The following PCDHA6 variants were observed in gnomAD, a reference collection of about 807,000 sequenced individuals.
PCDHA6 encodes the protein protocadherin alpha 6, also known as protocadherin alpha-6.
Under a neutral mutation model 60.3 loss-of-function variants are expected in PCDHA6, and 55 were observed. That is an observed-to-expected ratio of 0.91 (90% CI 0.73 to 1.14). The LOEUF is 1.14. Among genes scored for constraint, PCDHA6 ranks in the 50% most tolerant of loss-of-function variants. PCDHA6 has a pLI of 0.00. For synonymous variants in PCDHA6, 652 were observed against 557.9 expected, an observed-to-expected ratio of 1.17 and a Z score of -2.38; for missense variants, 1,327 against 1,256.5, an observed-to-expected ratio of 1.06 and a Z score of -0.85.
chr5:140,863,120 C>T, intron 1 of PCDHA6: 4 of 591,460 alleles, frequency 6.8e-6, no homozygotes, highest in Non-Finnish European at 1.0e-5. Context: ...GCGAAAGCTA[C>T]GCGCCACCGC....
chr5:140,884,762 A>C, intron 1 of PCDHA6: 1 of 1,423,132 alleles, frequency 7.0e-7, no homozygotes, highest in Non-Finnish European at 9.2e-7. Flanking sequence ...ATTATTCTTT[A>C]CTTTAATTTT....
chr5:140,961,155 G>A (rs1214072320), intron 1 of PCDHA6, among the ~76,000 whole-genome samples: 2 of 152,126 alleles, frequency 1.3e-5, no homozygotes, highest in Non-Finnish European at 2.9e-5. Context: ...TATTATTTCA[G>A]TACATATCTA....
chr5:140,828,530 C>T lies in PCDHA6; in HGVS notation c.439C>T (p.Leu147=). Reference sequence around the variant, plus strand: ...AAGAGTGCTGATTTACGAATCTAGGCTGCCAGATTCTGTGTTTCCACTGGA... The same window carrying T: ...AAGAGTGCTGATTTACGAATCTAGGTTGCCAGATTCTGTGTTTCCACTGGA... ...EQRVLIYESR[L]PDSVFPLEGA... is the part of the protein sequence containing the mutation. The change falls in exon 1 of 4, where the codon CTG becomes TTG. Residue 147 remains leucine (L), a synonymous_variant. Transcript: ENST00000529310. 5 of 1,614,226 alleles carry T rather than the reference C, an allele frequency of 3.1e-6. No individual in the cohort carries two copies. The highest frequency in any genetic ancestry group is 4.2e-6 in the Non-Finnish European group (5 of 1,180,044).
At chr5:140,874,703 A>G (rs782809395) in intron 1 of PCDHA6, among the ~76,000 whole-genome samples, 16 of 152,270 alleles carry the variant, frequency 1.1e-4, no homozygotes, top group Admixed American at 7.2e-4. Flanking sequence ...TATGGAAATG[A>G]GAGCAGTTAT....
At chr5:140,968,473 G>A in intron 1 of PCDHA6, 1 of 1,614,098 alleles carries the variant, frequency 6.2e-7, no homozygotes. Flanking sequence ...ACGTATATGT[G>A]GTGGACATGA....
At chr5:140,880,415 G>T (rs1481227492) in intron 1 of PCDHA6, among the ~76,000 whole-genome samples, 1 of 152,202 alleles carries the variant, frequency 6.6e-6, no homozygotes, top group Non-Finnish European at 1.5e-5. Context: ...GACCTTAAAA[G>T]CGGGAACAGT....
chr5:140,917,817 T>C (rs2078372214), intron 1 of PCDHA6, among the ~76,000 whole-genome samples: 1 of 152,162 alleles, frequency 6.6e-6, no homozygotes, highest in Non-Finnish European at 1.5e-5. Flanking sequence ...TAGTTGAAGT[T>C]GGGTAGTGTG....
intron 3 of PCDHA6, among the ~76,000 whole-genome samples, chr5:141,009,356 G>T (rs535761188): frequency 7.9e-5 from 12 of 152,204 alleles, no homozygotes; most frequent in Non-Finnish European, 1.6e-4. Context: ...CTACTTGGGA[G>T]GCTAAGATGG....
chr5:140,883,710 A>C (rs782592824), intron 1 of PCDHA6: 1 of 1,613,516 alleles, frequency 6.2e-7, no homozygotes, highest in South Asian at 1.1e-5. Context: ...TCTGCTCAGG[A>C]CGCGGACGCA....
At chr5:140,955,124 CTG>C (rs1404094455) in intron 1 of PCDHA6, among the ~76,000 whole-genome samples, 1 of 152,016 alleles carries the variant, frequency 6.6e-6, no homozygotes. Context: ...TTCTGTTCCA[CTG>C]GTCTACACGT....
At chr5:140,995,924 G>A (rs998405229) in intron 3 of PCDHA6, among the ~76,000 whole-genome samples, 16 of 152,308 alleles carry the variant, frequency 1.1e-4, no homozygotes, top group African/African-American at 3.8e-4. Flanking sequence ...ATAGGCTGTT[G>A]TAAGTATTAA....
intron 1 of PCDHA6, among the ~76,000 whole-genome samples, chr5:140,948,880 C>G (rs1430288840): frequency 6.6e-6 from 1 of 151,410 alleles, no homozygotes; most frequent in Non-Finnish European, 1.5e-5. Flanking sequence ...TTACTTTGCT[C>G]TCTTTTAGAT....
chr5:140,967,361 C>G (rs1323729968), intron 1 of PCDHA6: 9 of 1,607,256 alleles, frequency 5.6e-6, no homozygotes, highest in African/African-American at 1.3e-5. Context: ...GGACCTTAAG[C>G]CCCTGCAGGA....
chr5:140,980,810 GA>G (rs1410107766), intron 2 of PCDHA6, among the ~76,000 whole-genome samples: 5 of 152,024 alleles, frequency 3.3e-5, no homozygotes, highest in Non-Finnish European at 7.4e-5. Context: ...GTAATACATT[GA>G]ACATATTAAA....
At chr5:140,904,187 C>T (rs1554191348) in intron 1 of PCDHA6, among the ~76,000 whole-genome samples, 1 of 151,982 alleles carries the variant, frequency 6.6e-6, no homozygotes, top group Non-Finnish European at 1.5e-5. Context: ...ACCCCCTTCC[C>T]ACCCTTTCCC....
intron 1 of PCDHA6, chr5:140,870,988 G>T: frequency 6.2e-7 from 1 of 1,613,492 alleles, no homozygotes; most frequent in Non-Finnish European, 8.5e-7. Flanking sequence ...GTACACGGGC[G>T]AGATAAGCAC....
At chr5:140,849,015 C>T (rs2040740928) in intron 1 of PCDHA6, 1 of 1,588,546 alleles carries the variant, frequency 6.3e-7, no homozygotes, top group Admixed American at 1.7e-5. Flanking sequence ...CAGACTGAGC[C>T]CCAATGAGTA....
intron 1 of PCDHA6, among the ~76,000 whole-genome samples, chr5:140,951,551 A>T (rs246040): frequency 0.31 from 47,721 of 151,608 alleles, 7,835 homozygotes; most frequent in East Asian, 0.53. Flanking sequence ...GACGGGGGGA[A>T]GTGCTACGCA....
chr5:140,921,251 AG>A (rs2080121821), intron 1 of PCDHA6, among the ~76,000 whole-genome samples: 1 of 152,192 alleles, frequency 6.6e-6, no homozygotes. Context: ...CAGATCAAAA[AG>A]TCCTAGACTT....
Sources: gnomAD v4.1 joint callset for allele counts (sites outside exome capture counted in the v4.1 genomes callset) on GRCh38, gnomAD v4.1.1 for gene constraint, MANE v1.5 for transcripts, NCBI Gene and HGNC (gene_info 2026-07-23, HGNC 2026-07-21) for gene names.